Variants in MKLN1 observed in about 807,000 individuals in gnomAD.
The protein encoded by MKLN1 is muskelin 1.
MKLN1 carries 18 observed loss-of-function variants against 99.0 expected under a neutral mutation model. The observed-to-expected ratio is 0.18, with a 90% CI of 0.13 to 0.27. MKLN1 has a LOEUF of 0.27. Among genes scored for constraint, MKLN1 ranks in the 10% least tolerant of loss-of-function variants. The pLI is 1.00. For synonymous variants in MKLN1, 288 were observed against 293.2 expected (o/e 0.98, Z 0.18); for missense variants, 621 against 875.9 (o/e 0.71, Z 3.67).
chr7:131,376,342 T>TAAA lies in MKLN1; in HGVS notation c.168+865_168+867dup, dbSNP rs35692782. 2.3e-5 allele frequency among the ~76,000 whole-genome samples: 3 copies of TAAA among 131,494 alleles called. No individual in the cohort carries two copies. In the South Asian group the frequency reaches 7.4e-4, roughly 33 times the overall value. 86.3% of individuals were successfully genotyped at this position (131,494 alleles called of 152,430 possible). A position where few individuals can be genotyped will look rare whatever the true frequency, so the allele number is the denominator to read the frequency against. On this transcript the variant is annotated intron_variant, in intron 2 of 17. Transcript: ENST00000352689. ...CAACACAGAAACCTTTGATCTATGTTAAAAAAAAAAAAAAAAAATGGCTGG... is the reference window on the plus strand; with the variant it reads ...CAACACAGAAACCTTTGATCTATGTTAAAAAAAAAAAAAAAAAAAAATGGCTGG...
At position 131,416,467 on chromosome 7, in the gene MKLN1, G is replaced by T. The variant is rs141335594; in HGVS notation, c.847+1757G>T. ...TTGAGAATTAAAATCTAACTTTTCA[G>T]GTCAGAGAGCCTTGAAATACTTACA... On this transcript the variant is annotated intron_variant, in intron 8 of 17. Transcript: ENST00000352689. 9.5e-4 allele frequency among the ~76,000 whole-genome samples: 144 copies of T among 151,406 alleles called. 3 individuals are homozygous for T. The highest frequency in any genetic ancestry group is 3.4e-3 in the African/African-American group (140 of 41,380).
At chr7:131,444,749 AGTAGT>A (rs1795949818) in intron 11 of MKLN1, among the ~76,000 whole-genome samples, 1 of 103,602 alleles carries the variant, frequency 9.7e-6, no homozygotes, top group Non-Finnish European at 2.0e-5. Flanking sequence ...TAGTAGTAGT[AGTAGT>A]AGTAGAAGAA....
chr7:131,213,034 G>A lies in MKLN1; in HGVS notation c.-179+10060G>A, dbSNP rs76056356. ...ATACATTTGAGGCCCCTTACCTACC[G>A]CCAATCACATTCATTTCTCTATTTT... is the stretch of plus-strand genomic sequence containing the variant. On this transcript the variant is annotated intron_variant, in intron 3 of 7. Transcript: ENST00000416992. Among the ~76,000 whole-genome samples the A allele has an allele frequency of 1.4e-3, 213 of 151,740 alleles. 1 individual carries two copies. In the East Asian group the frequency reaches 0.035, roughly 25 times the overall value.
chr7:131,237,162 T>C (rs952695050), intron 3 of MKLN1, among the ~76,000 whole-genome samples: 4 of 152,204 alleles, frequency 2.6e-5, no homozygotes, highest in East Asian at 1.9e-4. Context: ...ATGCAATTTA[T>C]CACACAATGT....
intron 3 of MKLN1, among the ~76,000 whole-genome samples, chr7:131,213,500 T>A (rs1282891417): frequency 6.6e-6 from 1 of 152,228 alleles, no homozygotes; most frequent in Non-Finnish European, 1.5e-5. Flanking sequence ...AACCTTGTAT[T>A]ATTGACATTT....
chr7:131,374,248 G>C (rs1475464064), intron 1 of MKLN1, among the ~76,000 whole-genome samples: 1 of 152,024 alleles, frequency 6.6e-6, no homozygotes, highest in Non-Finnish European at 1.5e-5. Flanking sequence ...ATTGGAGAGT[G>C]GTATGTGGAA....
At chr7:131,448,561 G>C (rs1041585207) in intron 12 of MKLN1, among the ~76,000 whole-genome samples, 5 of 152,166 alleles carry the variant, frequency 3.3e-5, no homozygotes, top group South Asian at 2.1e-4. Context: ...TTTCTGTCTA[G>C]TCTTTTTAAA....
At chr7:131,172,927 A>AG (rs1463902309) in intron 2 of MKLN1, among the ~76,000 whole-genome samples, 2 of 152,220 alleles carry the variant, frequency 1.3e-5, no homozygotes, top group African/African-American at 4.8e-5. Flanking sequence ...TTTGATCCCC[A>AG]GCATATGAGA....
intron 1 of MKLN1, among the ~76,000 whole-genome samples, chr7:131,113,501 T>C (rs1264307484): frequency 6.6e-6 from 1 of 152,102 alleles, no homozygotes; most frequent in Non-Finnish European, 1.5e-5. Flanking sequence ...TTAAGGGGCA[T>C]AGTGAACTGA....
chr7:131,422,219 T>C (rs1318656551), intron 8 of MKLN1, among the ~76,000 whole-genome samples: 5 of 152,152 alleles, frequency 3.3e-5, no homozygotes, highest in Admixed American at 6.5e-5. Context: ...ATCTGTGGCT[T>C]CAGATAATCA....
intron 16 of MKLN1, among the ~76,000 whole-genome samples, chr7:131,475,082 A>G (rs1272571589): frequency 1.3e-5 from 2 of 152,296 alleles, no homozygotes; most frequent in South Asian, 2.1e-4. Flanking sequence ...CCCTCCCCCA[A>G]TTCAACATGA....
chr7:131,198,002 T>C lies in MKLN1; in HGVS notation c.-296-4855T>C, dbSNP rs79121484. On this transcript the variant is annotated intron_variant, in intron 2 of 7. Transcript: ENST00000416992. ...GGCCCACACCACCATACTGGACTAATTTTAAAAAGCAGCTATTTTAAAATT... is the reference window on the plus strand; with the variant it reads ...GGCCCACACCACCATACTGGACTAACTTTAAAAAGCAGCTATTTTAAAATT... Among the ~76,000 whole-genome samples the C allele has an allele frequency of 8.8e-3, 1,338 of 152,276 alleles. 9 individuals carry two copies. Among genetic ancestry groups the C allele is most frequent in the Non-Finnish European group, 0.014 (931 of 68,018 alleles).
At chr7:131,156,397 G>A (rs572055078) in intron 2 of MKLN1, among the ~76,000 whole-genome samples, 5 of 135,106 alleles carry the variant, frequency 3.7e-5, no homozygotes, top group Admixed American at 8.5e-5. Context: ...GCGTGGAGGC[G>A]AGATCGCGCC....
At chr7:131,448,029 C>T (rs546458448) in intron 12 of MKLN1, among the ~76,000 whole-genome samples, 2 of 152,264 alleles carry the variant, frequency 1.3e-5, no homozygotes, top group African/African-American at 4.8e-5. Flanking sequence ...GAGATCGAGA[C>T]CATCCTGGCT....
intron 2 of MKLN1, among the ~76,000 whole-genome samples, chr7:131,381,803 A>G (rs554300010): frequency 3.3e-5 from 5 of 152,286 alleles, no homozygotes; most frequent in South Asian, 2.1e-4. Flanking sequence ...CTAGTAACCA[A>G]TGCTAACAAT....
chr7:131,218,697 A>G (rs1445674199), intron 3 of MKLN1, among the ~76,000 whole-genome samples: 2 of 152,226 alleles, frequency 1.3e-5, no homozygotes, highest in East Asian at 3.8e-4. Context: ...AGGCTACAAC[A>G]TGGATGAACC....
intron 1 of MKLN1, among the ~76,000 whole-genome samples, chr7:131,354,222 G>A (rs1475676052): frequency 6.6e-6 from 1 of 152,006 alleles, no homozygotes. Flanking sequence ...TGGGAGAATT[G>A]CCATCATTGC....
intron 3 of MKLN1, among the ~76,000 whole-genome samples, chr7:131,264,293 A>G (rs1797775905): frequency 6.6e-6 from 1 of 152,212 alleles, no homozygotes; most frequent in Non-Finnish European, 1.5e-5. Flanking sequence ...ATCACTTTAG[A>G]TTACCGAATA....
chr7:131,217,572 C>A (rs185400854), intron 3 of MKLN1, among the ~76,000 whole-genome samples: 276 of 152,326 alleles, frequency 1.8e-3, no homozygotes, highest in Admixed American at 2.9e-3. Context: ...GTTGTGGGCA[C>A]CTGTAATCCC....
Sources: allele counts gnomAD v4.1 joint callset (sites outside exome capture counted in the v4.1 genomes callset), GRCh38; gene constraint gnomAD v4.1.1; transcripts MANE v1.5; gene names NCBI Gene and HGNC (gene_info 2026-07-23, HGNC 2026-07-21).